The following GAGE10 variants were observed in gnomAD, a reference collection of about 807,000 sequenced individuals.
GAGE10 encodes G antigen 10.
Under a neutral mutation model 11.5 loss-of-function variants are expected in GAGE10, and 9 were observed. The observed-to-expected ratio is 0.78, with a 90% CI of 0.47 to 1.37. The LOEUF is 1.37. Ranked by LOEUF, GAGE10 falls within the 40% of genes most tolerant of loss-of-function variation. The pLI, the probability that GAGE10 is intolerant of heterozygous loss-of-function variation, is 0.00. For synonymous variants in GAGE10, 23 were observed against 29.7 expected, an observed-to-expected ratio of 0.77 and a Z score of 0.73; for missense variants, 83 against 92.9, an observed-to-expected ratio of 0.89 and a Z score of 0.44.
chrX:49,304,835 C>T lies in GAGE10; in HGVS notation c.-8-17C>T, dbSNP rs782432918. The T allele has an allele frequency of 1.7e-6, 2 of 1,189,691 alleles. No individual in the cohort carries two copies. The highest frequency in any genetic ancestry group is 3.1e-4 in the Middle Eastern group (1 of 3,226). ...CCTGTGGAGCGCACGTTCCCAATCA[C>T]GGTTGTCTGTTTTCAGTGTGAAATA... is the stretch of plus-strand genomic sequence containing the variant. On this transcript the variant is annotated splice_polypyrimidine_tract_variant and intron_variant, in intron 1 of 4. Transcript: ENST00000407599.
chrX:49,317,178 C>A lies in GAGE10; in HGVS notation c.218C>A (p.Ala73Asp). The change falls in exon 4 of 5, where the codon GCT becomes GAT. Residue 73 changes from alanine to aspartate, a missense_variant. Physicochemically the swap from Ala to Asp is moderately radical, Grantham distance 126. This residue lies in a region of GAGE10 where 66 missense variants were observed against 35.4 expected (regional missense o/e 1.87). Transcript: ENST00000407599. ...TATTTTTAATGGCCGAAGCCTGAAG[C>A]TGATAGCCAGGAACAGGTTCACCCA... ...ASAGQGPKPE[A>D]DSQEQVHPKT... 8.3e-7 allele frequency: 1 copy of A among 1,205,079 alleles called. No homozygotes were observed. Among genetic ancestry groups the A allele is most frequent in the Non-Finnish European group, 1.1e-6 (1 of 891,492 alleles).
intron 1 of GAGE10, among the ~76,000 whole-genome samples, chrX:49,304,265 G>T (rs1375884596): frequency 8.9e-6 from 1 of 112,380 alleles, no homozygotes; most frequent in Admixed American, 9.4e-5. Flanking sequence ...TCTCACCTCC[G>T]CCATGGAAGG....
chrX:49,315,920 A>G (rs1298461500), intron 3 of GAGE10, among the ~76,000 whole-genome samples: 1 of 111,960 alleles, frequency 8.9e-6, no homozygotes, highest in Non-Finnish European at 1.9e-5. Context: ...CCGACACACT[A>G]CCTCACAGTT....
At chrX:49,309,055 G>A (rs1436358531) in intron 3 of GAGE10, among the ~76,000 whole-genome samples, 1 of 112,074 alleles carries the variant, frequency 8.9e-6, no homozygotes, top group Non-Finnish European at 1.9e-5. Context: ...GACCTAGGAC[G>A]TTGTGTACAG....
chrX:49,312,837 A>G lies in GAGE10; in HGVS notation c.203-4326A>G, dbSNP rs2066379986. On this transcript the variant is annotated intron_variant, in intron 3 of 4. Transcript: ENST00000407599. ...TGGAAGGACGACTAGAAACTTTGATAGGTCGGCATTTCTATGTGCCACGGC... is the reference window on the plus strand; with the variant it reads ...TGGAAGGACGACTAGAAACTTTGATGGGTCGGCATTTCTATGTGCCACGGC... Among the ~76,000 whole-genome samples the G allele has an allele frequency of 3.5e-5, 4 of 112,796 alleles. No individual in the cohort carries two copies. The South Asian group carries it at 1.4e-3, about 41-fold the overall frequency.
At chrX:49,309,197 C>T (rs79936280) in intron 3 of GAGE10, among the ~76,000 whole-genome samples, 6 of 111,285 alleles carry the variant, frequency 5.4e-5, no homozygotes, top group East Asian at 2.8e-4. Flanking sequence ...AGTGAAAGTG[C>T]GCCACAAGGG....
intron 4 of GAGE10, 121 bp downstream of exon 4, chrX:49,317,409 G>C (rs1557125450): frequency 2.3e-5 from 24 of 1,022,073 alleles, no homozygotes; most frequent in Non-Finnish European, 2.0e-5. Context: ...GTGCAGTGGT[G>C]GCATCTCGGC....
chrX:49,308,715 T>C (rs782733763), intron 3 of GAGE10, among the ~76,000 whole-genome samples: 1 of 111,932 alleles, frequency 8.9e-6, no homozygotes, highest in African/African-American at 3.2e-5. Context: ...AAGAGCTTGC[T>C]GGCAGGGTGC....
At chrX:49,304,162 A>G (rs1481132321) in intron 1 of GAGE10, among the ~76,000 whole-genome samples, 1 of 111,837 alleles carries the variant, frequency 8.9e-6, no homozygotes, top group Non-Finnish European at 1.9e-5. Flanking sequence ...GGAGGGCGAT[A>G]AAGAAGGGAC....
intron 3 of GAGE10, among the ~76,000 whole-genome samples, chrX:49,312,744 G>A (rs1226289561): frequency 1.4e-4 from 16 of 112,707 alleles, no homozygotes; most frequent in African/African-American, 4.5e-4. Context: ...GTTCTCTGAC[G>A]GGAGGCTAGC....
chrX:49,305,330 C>A (rs1381722655), intron 2 of GAGE10, 74 bp from the exon 3 acceptor site: 3 of 510,281 alleles, frequency 5.9e-6, no homozygotes, highest in Admixed American at 4.0e-5. Flanking sequence ...GCTATGTATT[C>A]TGTGTATATA....
intron 3 of GAGE10, among the ~76,000 whole-genome samples, chrX:49,308,814 G>A (rs1158625284): frequency 9.0e-6 from 1 of 111,640 alleles, no homozygotes; most frequent in Non-Finnish European, 1.9e-5. Flanking sequence ...GTCTGATGAG[G>A]AGTCCTGGGG....
At chrX:49,317,345 C>G in intron 4 of GAGE10, 57 bp downstream of exon 4, 1 of 1,153,575 alleles carries the variant, frequency 8.7e-7, no homozygotes, top group Non-Finnish European at 1.2e-6. Flanking sequence ...AGTATCGTAT[C>G]ATAATTATTA....
intron 3 of GAGE10, among the ~76,000 whole-genome samples, chrX:49,311,682 C>T (rs2066376721): frequency 8.9e-6 from 1 of 112,311 alleles, no homozygotes. Context: ...CTAGGGTTGC[C>T]AGATGTAAAA....
chrX:49,315,924 C>T (rs1451380007), intron 3 of GAGE10, among the ~76,000 whole-genome samples: 1 of 112,011 alleles, frequency 8.9e-6, no homozygotes, highest in African/African-American at 3.2e-5. Context: ...CACACTACCT[C>T]ACAGTTGATG....
At chrX:49,317,386 C>A (rs2066397223) in intron 4 of GAGE10, 98 bp downstream of exon 4, 14 of 1,096,854 alleles carry the variant, frequency 1.3e-5, no homozygotes, top group African/African-American at 1.8e-5. Context: ...CTTGCTCTGT[C>A]CACCAGGCTG....
chrX:49,316,355 C>T, intron 3 of GAGE10, among the ~76,000 whole-genome samples: 1 of 112,026 alleles, frequency 8.9e-6, no homozygotes, highest in Non-Finnish European at 1.9e-5. Flanking sequence ...TTGTTTCTTG[C>T]TTCTGTAATA....
At chrX:49,304,565 C>A (rs1165021088) in intron 1 of GAGE10, among the ~76,000 whole-genome samples, 1 of 111,232 alleles carries the variant, frequency 9.0e-6, no homozygotes, top group Non-Finnish European at 1.9e-5. Flanking sequence ...GATCACGCCG[C>A]TGCACTCTGC....
intron 3 of GAGE10, among the ~76,000 whole-genome samples, chrX:49,314,188 T>C (rs2066383965): frequency 8.9e-6 from 1 of 112,212 alleles, no homozygotes; most frequent in African/African-American, 3.2e-5. Context: ...TTGAGAAGGA[T>C]GCCCACATTG....
Sources: gnomAD v4.1 joint callset for allele counts (sites outside exome capture counted in the v4.1 genomes callset) on GRCh38, gnomAD v4.1.1 for gene constraint, gnomAD v4.1.1 regional missense constraint, MANE v1.5 for transcripts, NCBI Gene and HGNC (gene_info 2026-07-23, HGNC 2026-07-21) for gene names.